The following L2HGDH variants were observed in gnomAD, a reference collection of about 807,000 sequenced individuals.
L2HGDH encodes L-2-hydroxyglutarate dehydrogenase, mitochondrial.
L2HGDH carries 34 observed loss-of-function variants against 51.5 expected under a neutral mutation model. The ratio of observed to expected loss-of-function variants is 0.66; its 90% CI spans 0.50 to 0.88. The LOEUF is 0.88. Among genes scored for constraint, L2HGDH ranks in the 40% least tolerant of loss-of-function variants. The pLI is 0.00. For missense variants in L2HGDH, 558 were observed against 571.9 expected, an observed-to-expected ratio of 0.98 and a Z score of 0.25; for synonymous variants, 198 against 197.9, an observed-to-expected ratio of 1.00 and a Z score of -0.01.
At chr14:50,297,189 C>G (rs1487437279) in intron 3 of L2HGDH, among the ~76,000 whole-genome samples, 1 of 152,090 alleles carries the variant, frequency 6.6e-6, no homozygotes, top group Non-Finnish European at 1.5e-5. Context: ...TCTATTAGAT[C>G]AAGAACAATT....
At chr14:50,248,403 C>T (rs1048311671) in intron 9 of L2HGDH, among the ~76,000 whole-genome samples, 1 of 152,180 alleles carries the variant, frequency 6.6e-6, no homozygotes, top group African/African-American at 2.4e-5. Flanking sequence ...TCTAAGACTT[C>T]AGCTGGCTGA....
intron 5 of L2HGDH, chr14:50,282,624 G>C (rs1404814703): frequency 7.3e-6 from 3 of 413,656 alleles, no homozygotes; most frequent in Non-Finnish European, 1.5e-5. Flanking sequence ...CCATGGCCAA[G>C]TTTCTTACTC....
chr14:50,303,827 A>AC (rs1387861038), intron 1 of L2HGDH, among the ~76,000 whole-genome samples: 2 of 151,208 alleles, frequency 1.3e-5, no homozygotes, highest in Non-Finnish European at 1.5e-5. Context: ...AAAAAAAAAA[A>AC]ACCTCAAAAG....
At chr14:50,309,623 G>A (rs1026474535) in intron 1 of L2HGDH, among the ~76,000 whole-genome samples, 1 of 150,880 alleles carries the variant, frequency 6.6e-6, no homozygotes, top group Non-Finnish European at 1.5e-5. Context: ...AGAGGAAGGT[G>A]TGAATATAAA....
In L2HGDH at chr14:50,243,297, A is replaced by G; in HGVS notation, c.*3761T>C. On this transcript the variant is annotated 3_prime_UTR_variant, in exon 10 of 10. Transcript: ENST00000267436. ...CTGAAGTTAAAATCTAAAATGCTCC[A>G]CTTTTTACCCAAAATATAAATGACT... 1.0e-6 allele frequency: 1 copy of G among 985,376 alleles called. No homozygotes were observed. Among genetic ancestry groups the G allele is most frequent in the Non-Finnish European group, 1.2e-6 (1 of 829,874 alleles). The allele number at this position is 985,376 out of a possible 1,614,324, so 61.0% of individuals were successfully genotyped here.
chr14:50,310,564 C>G (rs1302016482), intron 1 of L2HGDH, among the ~76,000 whole-genome samples: 3 of 151,836 alleles, frequency 2.0e-5, no homozygotes, highest in Non-Finnish European at 2.9e-5. Context: ...TGCCTGTGGT[C>G]CCAGCTCCTG....
intron 9 of L2HGDH, among the ~76,000 whole-genome samples, chr14:50,254,361 C>A (rs975732059): frequency 6.6e-6 from 1 of 151,966 alleles, no homozygotes; most frequent in African/African-American, 2.4e-5. Flanking sequence ...CTTAAAGAAT[C>A]AGATATACCA....
intron 3 of L2HGDH, 130 bp downstream of exon 3, chr14:50,301,887 T>C (rs1468141563): frequency 1.1e-6 from 1 of 897,596 alleles, no homozygotes; most frequent in South Asian, 1.6e-5. Context: ...TTTTTAGTTA[T>C]TCCCTAAGAT....
Position 50,267,890 on chromosome 14 carries a change from A to G in L2HGDH, c.927T>C (p.Pro309=). The G allele has an allele frequency of 6.2e-7, 1 of 1,614,102 alleles. No homozygotes were observed. Among genetic ancestry groups the G allele is most frequent in the Non-Finnish European group, 8.5e-7 (1 of 1,179,934 alleles). Residue 309 remains proline, a synonymous_variant, in exon 8 of 10, where the codon CCT becomes CCC. Transcript: ENST00000267436. The part of the protein sequence containing the change: ...NIYPVPDSRF[P]FLGVHFTPRM... ...TTGGTGTGAAGTGAACTCCTAGGAA[A>G]GGAAACCGGCTATCTGGGACCTATA...
At chr14:50,272,871 GA>G (rs1465203433) in intron 6 of L2HGDH, among the ~76,000 whole-genome samples, 14 of 152,078 alleles carry the variant, frequency 9.2e-5, no homozygotes, top group Admixed American at 8.5e-4. Flanking sequence ...ATGACCAGTT[GA>G]CCAAAGAAGA....
At chr14:50,286,005 T>C (rs1484890698) in intron 4 of L2HGDH, among the ~76,000 whole-genome samples, 1 of 152,184 alleles carries the variant, frequency 6.6e-6, no homozygotes, top group African/African-American at 2.4e-5. Context: ...AGGTAGAGGC[T>C]GCCAAGTTGG....
At chr14:50,274,496 A>G (rs759116463) in intron 6 of L2HGDH, among the ~76,000 whole-genome samples, 1 of 152,212 alleles carries the variant, frequency 6.6e-6, no homozygotes, top group East Asian at 1.9e-4. Context: ...AGAATGCCCT[A>G]TTGATGGGAA....
In L2HGDH at chr14:50,259,989, G is replaced by GAC. The variant is rs971448338; in HGVS notation, c.1196+5368_1196+5369insGT. Among the ~76,000 whole-genome samples, 6 of 139,604 alleles carry GAC rather than the reference G, an allele frequency of 4.3e-5. No homozygotes were observed. In the Admixed American group the frequency reaches 4.4e-4, roughly 10 times the overall value. 91.6% of individuals were successfully genotyped at this position (139,604 alleles called of 152,430 possible). ...AAAGAAGGAGAGAGAAGAAGACAGA[G>GAC]AGAGAGAGAGAGAGAGAGAGAGATT... On this transcript the variant is annotated intron_variant, in intron 9 of 9. Transcript: ENST00000267436.
chr14:50,277,774 A>AAATAATAATAATAAT (rs34552494), intron 6 of L2HGDH, among the ~76,000 whole-genome samples: 1 of 133,536 alleles, frequency 7.5e-6, no homozygotes, highest in East Asian at 2.2e-4. Context: ...CTCCGTCTCA[A>AAATAATAATAATAAT]AATAATAATA....
At position 50,312,221 on chromosome 14, in the gene L2HGDH, C is replaced by G; in HGVS notation, c.-71G>C. 6.3e-7 allele frequency: 1 copy of G among 1,577,130 alleles called. No individual in the cohort carries two copies. Among genetic ancestry groups the G allele is most frequent in the East Asian group, 2.3e-5 (1 of 43,476 alleles). On this transcript the variant is annotated 5_prime_UTR_variant, in exon 1 of 10. Transcript: ENST00000267436. ...GACCCTCCACGGCCGAGGACCCGCGCTCTTTAGCCCCGCCCCTCACGCGGG... is the reference window on the plus strand; with the variant it reads ...GACCCTCCACGGCCGAGGACCCGCGGTCTTTAGCCCCGCCCCTCACGCGGG...
At position 50,243,426 on chromosome 14, in the gene L2HGDH, T is replaced by C; in HGVS notation, c.*3632A>G. 1.0e-6 allele frequency: 1 copy of C among 961,296 alleles called. No homozygotes were observed. The highest frequency in any genetic ancestry group is 1.2e-6 in the Non-Finnish European group (1 of 808,202). The allele number at this position is 961,296 out of a possible 1,614,324, so 59.5% of individuals were successfully genotyped here. A position where few individuals can be genotyped will look rare whatever the true frequency, so the allele number is the denominator to read the frequency against. ...GTTTATGTTTTACACATAAAAAAATTTATTTGCATAAAAGTTTTTATGGAA... is the reference window on the plus strand; with the variant it reads ...GTTTATGTTTTACACATAAAAAAATCTATTTGCATAAAAGTTTTTATGGAA... On this transcript the variant is annotated 3_prime_UTR_variant, in exon 10 of 10. Coordinates refer to ENST00000267436, the MANE Select transcript of L2HGDH (RefSeq NM_024884.3).
intron 2 of L2HGDH, 62 bp downstream of exon 2, chr14:50,302,840 C>T: frequency 9.1e-7 from 1 of 1,100,608 alleles, no homozygotes; most frequent in Non-Finnish European, 1.4e-6. Flanking sequence ...GAAAGATTCA[C>T]AACAGACAAA....
chr14:50,291,328 G>C (rs1351705519), intron 4 of L2HGDH, among the ~76,000 whole-genome samples: 1 of 151,572 alleles, frequency 6.6e-6, no homozygotes, highest in Non-Finnish European at 1.5e-5. Flanking sequence ...TTTAGAATTT[G>C]CTCAGAGTAT....
Position 50,269,246 on chromosome 14 carries a change from C to G in L2HGDH, c.823G>C (p.Asp275His). 2 of 1,613,892 alleles carry G rather than the reference C, an allele frequency of 1.2e-6. No individual in the cohort carries two copies. The highest frequency in any genetic ancestry group is 1.7e-6 in the Non-Finnish European group (2 of 1,179,826). ...RISELSGCTP[D>H]PRIVPFRGDY... is the part of the protein sequence containing the mutation. ...CCCCGGAATGGTACAATTCGAGGAT[C>G]AGGAGTGCAGCCACTCAACTCTGAA... Residue 275 changes from aspartate (D) to histidine (H), a missense_variant, in exon 7 of 10, where the codon GAT becomes CAT. By Grantham distance (81) the Asp-to-His change is moderately conservative. This residue lies in a region of L2HGDH where 321 missense variants were observed against 311.8 expected (regional missense o/e 1.03). Transcript: ENST00000267436.
Sources: allele counts gnomAD v4.1 joint callset (sites outside exome capture counted in the v4.1 genomes callset), GRCh38; gene constraint gnomAD v4.1.1; regional missense constraint gnomAD v4.1.1; transcripts MANE v1.5; gene names NCBI Gene and HGNC (gene_info 2026-07-23, HGNC 2026-07-21).